Variants in KHDRBS2 observed in about 807,000 individuals in gnomAD.
The protein encoded by KHDRBS2 is KH domain-containing, RNA-binding, signal transduction-associated protein 2.
Under a neutral mutation model 44.3 loss-of-function variants are expected in KHDRBS2, and 26 were observed. The ratio of observed to expected loss-of-function variants is 0.59; its 90% CI spans 0.43 to 0.81. KHDRBS2 has a LOEUF of 0.81. Ranked by LOEUF, KHDRBS2 falls within the 40% of genes least tolerant of loss-of-function variation. The pLI is 0.00. For synonymous variants in KHDRBS2, 194 were observed against 151.1 expected (o/e 1.28, Z -2.08); for missense variants, 476 against 433.1 (o/e 1.10, Z -0.88).
At chr6:62,064,328 T>A (rs990020949) in intron 2 of KHDRBS2, among the ~76,000 whole-genome samples, 2 of 149,114 alleles carry the variant, frequency 1.3e-5, no homozygotes, top group Non-Finnish European at 3.0e-5. Context: ...GCCAAGTCAA[T>A]CCTAAGCCAA....
chr6:61,562,718 G>T, the KHDRBS2 span, among the ~76,000 whole-genome samples: 1 of 152,010 alleles, frequency 6.6e-6, no homozygotes, highest in African/African-American at 2.4e-5. Flanking sequence ...AACTTTGAGG[G>T]TACCTTGGTC....
chr6:61,735,601 A>G (rs1246739600), intron 6 of KHDRBS2, among the ~76,000 whole-genome samples: 8 of 152,140 alleles, frequency 5.3e-5, no homozygotes, highest in Admixed American at 2.6e-4. Context: ...TTGCTTCCCA[A>G]AATATTAACT....
Position 61,764,930 on chromosome 6 carries a change from T to C in KHDRBS2, c.811-32166A>G, listed in dbSNP as rs1038016311. Among the ~76,000 whole-genome samples the C allele has an allele frequency of 2.7e-5, 4 of 149,656 alleles. No homozygotes were observed. In the Admixed American group the frequency reaches 2.7e-4, roughly 10 times the overall value. ...GTCACATTTCAGGTGTGCATTGTTG[T>C]ACTTTTTAAAAAAAATCAAAAACTT... is the stretch of plus-strand genomic sequence containing the variant. On this transcript the variant is annotated intron_variant, in intron 6 of 8. Coordinates refer to ENST00000281156, the MANE Select transcript of KHDRBS2 (RefSeq NM_152688.4).
chr6:61,764,604 C>T (rs754924195), intron 6 of KHDRBS2, among the ~76,000 whole-genome samples: 11 of 151,886 alleles, frequency 7.2e-5, no homozygotes, highest in Non-Finnish European at 1.5e-4. Context: ...ATCGTGGTTT[C>T]GATTTGCATT....
intron 6 of KHDRBS2, among the ~76,000 whole-genome samples, chr6:61,769,962 C>T (rs542793971): frequency 3.9e-5 from 6 of 152,274 alleles, no homozygotes; most frequent in East Asian, 3.9e-4. Context: ...ACACCTCACA[C>T]GGCTGTGTAC....
chr6:62,221,805 C>G (rs1830944078), intron 1 of KHDRBS2, among the ~76,000 whole-genome samples: 1 of 152,004 alleles, frequency 6.6e-6, no homozygotes, highest in Admixed American at 6.6e-5. Context: ...GACATATCAA[C>G]CATTGATTTT....
intron 6 of KHDRBS2, among the ~76,000 whole-genome samples, chr6:61,855,799 G>A (rs562481389): frequency 3.3e-5 from 5 of 152,032 alleles, no homozygotes; most frequent in South Asian, 2.1e-4. Flanking sequence ...GTTCTGAAGC[G>A]CTTTCAACAT....
At chr6:62,252,772 C>T (rs1159554265) in intron 1 of KHDRBS2, among the ~76,000 whole-genome samples, 1 of 151,972 alleles carries the variant, frequency 6.6e-6, no homozygotes, top group African/African-American at 2.4e-5. Flanking sequence ...TCTAAAACTC[C>T]TATTCAAATG....
the KHDRBS2 span, among the ~76,000 whole-genome samples, chr6:61,586,153 T>C: frequency 6.6e-6 from 1 of 152,198 alleles, no homozygotes; most frequent in Non-Finnish European, 1.5e-5. Context: ...AAATCCTTTA[T>C]TTGCTAAGCC....
chr6:61,893,110 A>C (rs1031462291), intron 6 of KHDRBS2, among the ~76,000 whole-genome samples: 25 of 152,218 alleles, frequency 1.6e-4, no homozygotes, highest in Non-Finnish European at 3.5e-4. Context: ...ACACTTCTCA[A>C]AAGAAGACAT....
Position 61,835,898 on chromosome 6 carries a change from C to T in KHDRBS2, c.810+58737G>A, listed in dbSNP as rs190188438. 1.4e-3 allele frequency among the ~76,000 whole-genome samples: 210 copies of T among 152,030 alleles called. 1 individual carries two copies. Among genetic ancestry groups the T allele is most frequent in the African/African-American group, 4.6e-3 (192 of 41,514 alleles). On this transcript the variant is annotated intron_variant, in intron 6 of 8. Transcript: ENST00000281156. ...TGATGACCATCATTTATTTCCTCAA[C>T]GCTCATGCACATATAGGACACTTGC...
intron 2 of KHDRBS2, among the ~76,000 whole-genome samples, chr6:62,069,976 C>T (rs1413549568): frequency 6.6e-6 from 1 of 151,466 alleles, no homozygotes; most frequent in East Asian, 2.0e-4. Context: ...CCTTTCTATT[C>T]CTAGGATTTT....
At chr6:61,938,174 T>TAGACCAACA (rs1811398926) in intron 4 of KHDRBS2, among the ~76,000 whole-genome samples, 1 of 152,126 alleles carries the variant, frequency 6.6e-6, no homozygotes, top group Non-Finnish European at 1.5e-5. Flanking sequence ...TACAATCTGT[T>TAGACCAACA]GGTGGTCTAA....
chr6:62,191,320 G>C (rs1277658161), intron 1 of KHDRBS2, among the ~76,000 whole-genome samples: 1 of 152,120 alleles, frequency 6.6e-6, no homozygotes, highest in Middle Eastern at 3.4e-3. Context: ...CTGAGCAAAC[G>C]ATACTCTCAA....
At chr6:61,705,370 C>T (rs937329203) in intron 7 of KHDRBS2, among the ~76,000 whole-genome samples, 6 of 151,640 alleles carry the variant, frequency 4.0e-5, no homozygotes, top group African/African-American at 1.5e-4. Context: ...CAAAAATAAC[C>T]ATAAAAAATA....
At chr6:61,859,372 TTAGG>T (rs1796592072) in intron 6 of KHDRBS2, among the ~76,000 whole-genome samples, 1 of 151,920 alleles carries the variant, frequency 6.6e-6, no homozygotes, top group African/African-American at 2.4e-5. Flanking sequence ...AAAATCACTT[TTAGG>T]GTGACACATT....
At chr6:62,038,051 C>A (rs535250320) in intron 3 of KHDRBS2, among the ~76,000 whole-genome samples, 47 of 152,108 alleles carry the variant, frequency 3.1e-4, no homozygotes, top group African/African-American at 1.1e-3. Flanking sequence ...ACTGGCTTAA[C>A]TGCCACAATG....
intron 4 of KHDRBS2, among the ~76,000 whole-genome samples, chr6:61,945,101 A>ATATATATATATATATGTAT (rs1206251740): frequency 1.8e-5 from 1 of 56,254 alleles, no homozygotes; most frequent in Non-Finnish European, 3.5e-5. Context: ...AAAAAAAAAA[A>ATATATATATATATATGTAT]AAAAAAAAAA....
chr6:61,805,842 A>T (rs1402931281), intron 6 of KHDRBS2, among the ~76,000 whole-genome samples: 1 of 152,230 alleles, frequency 6.6e-6, no homozygotes, highest in African/African-American at 2.4e-5. Flanking sequence ...TACAACTCAG[A>T]TTACAATTAG....
Sources: allele counts gnomAD v4.1 joint callset (sites outside exome capture counted in the v4.1 genomes callset), GRCh38; gene constraint gnomAD v4.1.1; transcripts MANE v1.5; gene names NCBI Gene and HGNC (gene_info 2026-07-23, HGNC 2026-07-21).